The following EIF3C variants were observed in gnomAD, a reference collection of about 807,000 sequenced individuals.
The protein encoded by EIF3C is cell migration-inducing protein 17.
Under a neutral mutation model 11.1 loss-of-function variants are expected in EIF3C, and 2 were observed. The ratio of observed to expected loss-of-function variants is 0.18; its 90% CI spans 0.07 to 0.57. The LOEUF (loss-of-function observed/expected upper bound fraction) is 0.57. EIF3C is among the 20% of genes least tolerant of loss of function. The pLI, the probability that EIF3C is intolerant of heterozygous loss-of-function variation, is 0.92. For synonymous variants in EIF3C, 2 were observed against 41.5 expected (o/e 0.05, Z 3.66); for missense variants, 16 against 114.6 (o/e 0.14, Z 3.93).
intron 1 of EIF3C, among the ~76,000 whole-genome samples, chr16:28,698,261 C>T (rs1287087134): frequency 7.5e-4 from 92 of 122,328 alleles, no homozygotes; most frequent in Non-Finnish European, 1.4e-3. Flanking sequence ...GGGGGCTGAC[C>T]CCCCCATCTC....
At chr16:28,704,121 G>A (rs2048287966) in intron 1 of EIF3C, among the ~76,000 whole-genome samples, 1 of 34,776 alleles carries the variant, frequency 2.9e-5, no homozygotes, top group South Asian at 8.9e-4. Flanking sequence ...TAGGTGTGGT[G>A]GTGCATGCCT....
At chr16:28,697,749 C>G (rs1342706504) in intron 1 of EIF3C, among the ~76,000 whole-genome samples, 1 of 93,318 alleles carries the variant, frequency 1.1e-5, no homozygotes, top group Non-Finnish European at 1.9e-5. Flanking sequence ...GGGCTCCTCA[C>G]TTCCCAGTAG....
At chr16:28,722,845 A>C (rs2048345718) in intron 8 of EIF3C, 1 of 440,146 alleles carries the variant, frequency 2.3e-6, no homozygotes, top group Non-Finnish European at 4.1e-6. Context: ...GTGCACCACC[A>C]TGCCTGGCTA....
chr16:28,699,497 AGAGGG>A (rs2048268765), intron 1 of EIF3C, among the ~76,000 whole-genome samples: 3 of 103,352 alleles, frequency 2.9e-5, no homozygotes, highest in Non-Finnish European at 5.6e-5. Flanking sequence ...AGGGAGAGGG[AGAGGG>A]AGAGGGAGAG....
In EIF3C at chr16:28,689,302, G is replaced by A. The variant is rs1480796112; in HGVS notation, c.-31+474G>A. Among the ~76,000 whole-genome samples the A allele has an allele frequency of 1.0e-4, 5 of 48,628 alleles. 1 individual carries two copies. Among genetic ancestry groups the A allele is most frequent in the Non-Finnish European group, 1.8e-4 (5 of 28,032 alleles). The allele number at this position is 48,628 out of a possible 152,430, so 31.9% of individuals were successfully genotyped here. ...TCTGTTAAAACTTCCCTGTTTAAATGACTCTGTGGTTTCCGCCTTGTGAGT... is the reference window on the plus strand; with the variant it reads ...TCTGTTAAAACTTCCCTGTTTAAATAACTCTGTGGTTTCCGCCTTGTGAGT... On this transcript the variant is annotated intron_variant, in intron 1 of 20. Transcript: ENST00000566501.
chr16:28,712,930 G>A (rs1189537439), intron 2 of EIF3C, among the ~76,000 whole-genome samples: 3 of 148,990 alleles, frequency 2.0e-5, no homozygotes, highest in African/African-American at 5.0e-5. Context: ...CCTTGGAGGC[G>A]GAGGTTGTAG....
At chr16:28,693,073 C>CCAGTAACA (rs2048227133) in intron 1 of EIF3C, among the ~76,000 whole-genome samples, 1 of 47,106 alleles carries the variant, frequency 2.1e-5, no homozygotes, top group Non-Finnish European at 3.9e-5. Context: ...AACTGCAGTT[C>CCAGTAACA]CAGTAGCATT....
chr16:28,698,244 C>G (rs540139058), intron 1 of EIF3C, among the ~76,000 whole-genome samples: 1 of 114,204 alleles, frequency 8.8e-6, no homozygotes, highest in Non-Finnish European at 1.8e-5. Context: ...GGCGGCTGGC[C>G]GGGTGGGGGG....
chr16:28,698,282 G>A (rs1398409044), intron 1 of EIF3C, among the ~76,000 whole-genome samples: 4 of 113,344 alleles, frequency 3.5e-5, no homozygotes, highest in East Asian at 2.9e-4. Context: ...CCTCCCGGAC[G>A]GGGTGGCTGG....
chr16:28,710,168 TA>T (rs2048299376), upstream of EIF3C, among the ~76,000 whole-genome samples: 1 of 148,264 alleles, frequency 6.7e-6, no homozygotes, highest in African/African-American at 2.5e-5. Flanking sequence ...TTTGTATTTT[TA>T]GTAGAGATGG....
rs1746514120 is a variant in EIF3C, at chr16:28,697,890, C to T, written c.-31+9062C>T. On this transcript the variant is annotated intron_variant, in intron 1 of 20. Coordinates refer to the EIF3C transcript ENST00000566501. ...GGGGGCTGACCCCCCAACCTCCCTC[C>T]CGGACGGGGCGGCTGGCCGGGCAGA... Among the ~76,000 whole-genome samples the T allele has an allele frequency of 3.3e-5, 3 of 91,932 alleles. 1 individual carries two copies. Among genetic ancestry groups the T allele is most frequent in the Non-Finnish European group, 4.3e-5 (2 of 47,028 alleles). The allele number at this position is 91,932 out of a possible 152,430, so 60.3% of individuals were successfully genotyped here. A position where few individuals can be genotyped will look rare whatever the true frequency, so the allele number is the denominator to read the frequency against.
Sources: allele counts gnomAD v4.1 joint callset (sites outside exome capture counted in the v4.1 genomes callset), GRCh38; gene constraint gnomAD v4.1.1; transcripts MANE v1.5; gene names NCBI Gene and HGNC (gene_info 2026-07-23, HGNC 2026-07-21).